The following AGXT2 variants were observed in gnomAD, a reference collection of about 807,000 sequenced individuals.
The protein encoded by AGXT2 is alanine--glyoxylate aminotransferase 2, also known as alanine--glyoxylate aminotransferase 2, mitochondrial.
AGXT2 carries 61 observed loss-of-function variants against 62.5 expected under a neutral mutation model. The ratio of observed to expected loss-of-function variants is 0.98; its 90% CI spans 0.79 to 1.21. The LOEUF (loss-of-function observed/expected upper bound fraction) is 1.21. Among genes scored for constraint, AGXT2 ranks in the 50% most tolerant of loss-of-function variants. The pLI is 0.00. For missense variants in AGXT2, 666 were observed against 641.5 expected, an observed-to-expected ratio of 1.04 and a Z score of -0.41; for synonymous variants, 243 against 218.7, an observed-to-expected ratio of 1.11 and a Z score of -0.98.
chr5:35,025,513 A>G (rs1767300868), intron 9 of AGXT2, among the ~76,000 whole-genome samples: 2 of 152,250 alleles, frequency 1.3e-5, no homozygotes, highest in Admixed American at 1.3e-4. Flanking sequence ...AACATCACAT[A>G]TGGCTGTTAG....
intron 9 of AGXT2, among the ~76,000 whole-genome samples, chr5:35,021,542 C>A (rs1260492379): frequency 1.1e-4 from 16 of 150,170 alleles, no homozygotes; most frequent in Admixed American, 4.7e-4. Context: ...GAAACTGGAT[C>A]CCTTCCTTAC....
At chr5:35,033,903 G>A (rs344159) in intron 5 of AGXT2, among the ~76,000 whole-genome samples, 142,507 of 152,140 alleles carry the variant, frequency 0.94, 67,227 homozygotes, top group Non-Finnish European at 1. Context: ...CGAAGTAGTC[G>A]CTTTGGGAAG....
chr5:35,023,443 G>A (rs1767196754), intron 9 of AGXT2, among the ~76,000 whole-genome samples: 1 of 152,152 alleles, frequency 6.6e-6, no homozygotes, highest in African/African-American at 2.4e-5. Context: ...GATTGCCTGT[G>A]TTAGATAGTT....
At position 35,037,216 on chromosome 5, in the gene AGXT2, T is replaced by C. The variant is rs577422127; in HGVS notation, c.363-151A>G. Reference sequence around the variant, plus strand: ...CATGAGAATAAACTCCTTTAACCACTAGAGGTGTCCAGAAATGGGATGTGT... The same window carrying C: ...CATGAGAATAAACTCCTTTAACCACCAGAGGTGTCCAGAAATGGGATGTGT... On this transcript the variant is annotated intron_variant, in intron 3 of 13. Coordinates refer to ENST00000231420, the MANE Select transcript of AGXT2 (RefSeq NM_031900.4). 16 of 1,158,340 alleles carry C rather than the reference T, an allele frequency of 1.4e-5. No homozygotes were observed. In the Admixed American group the frequency reaches 3.0e-4, roughly 22 times the overall value. 71.8% of individuals were successfully genotyped at this position (1,158,340 alleles called of 1,614,324 possible).
intron 9 of AGXT2, among the ~76,000 whole-genome samples, chr5:35,024,894 TG>T (rs1166662829): frequency 6.6e-6 from 1 of 150,546 alleles, no homozygotes; most frequent in Non-Finnish European, 1.5e-5. Flanking sequence ...CACTTGAACC[TG>T]GGAGGCAGAG....
At chr5:35,021,288 A>G (rs1431293347) in intron 9 of AGXT2, among the ~76,000 whole-genome samples, 1 of 152,156 alleles carries the variant, frequency 6.6e-6, no homozygotes, top group African/African-American at 2.4e-5. Flanking sequence ...CAAAAGAACA[A>G]AGCTGGAGGC....
At chr5:35,034,896 T>C (rs1767705363) in intron 5 of AGXT2, among the ~76,000 whole-genome samples, 1 of 152,138 alleles carries the variant, frequency 6.6e-6, no homozygotes, top group Non-Finnish European at 1.5e-5. Flanking sequence ...CATTTACCAC[T>C]TGGTATATGG....
rs762083883 is a variant in AGXT2, at chr5:35,003,793, G to C, written c.1407C>G (p.Leu469=). ...QIHEDCKHMG[L]LVGRGSIFSQ... ...AAAAAATGCTGCCTCTGCCAACGAG[G>C]AGTCCCATGTGCTTGCAGTCCTCAT... The change falls in exon 13 of 14, where the codon CTC becomes CTG. Residue 469 remains leucine, a synonymous_variant. Coordinates refer to ENST00000231420, the MANE Select transcript of AGXT2 (RefSeq NM_031900.4). 6.2e-7 allele frequency: 1 copy of C among 1,614,196 alleles called. No individual in the cohort carries two copies. Among genetic ancestry groups the C allele is most frequent in the South Asian group, 1.1e-5 (1 of 91,084 alleles).
chr5:35,039,907 C>T (rs1284082800), intron 2 of AGXT2, among the ~76,000 whole-genome samples: 8 of 152,132 alleles, frequency 5.3e-5, no homozygotes, highest in African/African-American at 1.9e-4. Context: ...AAGTGCTAGT[C>T]GTGTTTGTAT....
intron 3 of AGXT2, 71 bp from the exon 4 acceptor site, chr5:35,037,136 G>A (rs1767807732): frequency 6.2e-7 from 1 of 1,606,058 alleles, no homozygotes; most frequent in Non-Finnish European, 8.5e-7. Context: ...CTGGTCATTG[G>A]ACCCAAATAT....
chr5:35,019,291 ACACCT>A (rs1398912990), intron 9 of AGXT2, among the ~76,000 whole-genome samples: 1 of 148,832 alleles, frequency 6.7e-6, no homozygotes, highest in Non-Finnish European at 1.5e-5. Flanking sequence ...GCACCACACC[ACACCT>A]ATTCAAAAAT....
chr5:35,021,260 G>A (rs550344659), intron 9 of AGXT2, among the ~76,000 whole-genome samples: 17 of 152,224 alleles, frequency 1.1e-4, no homozygotes, highest in East Asian at 3.9e-4. Context: ...AGCCCGCTTC[G>A]CCAAGTGAAT....
Position 34,998,505 on chromosome 5 carries a change from T to A in AGXT2, c.*214A>T. 1 of 607,646 alleles carries A rather than the reference T, an allele frequency of 1.6e-6. No individual in the cohort carries two copies. The highest frequency in any genetic ancestry group is 2.9e-6 in the Non-Finnish European group (1 of 343,504). 37.6% of individuals were successfully genotyped at this position (607,646 alleles called of 1,614,324 possible). On this transcript the variant is annotated 3_prime_UTR_variant, in exon 14 of 14. Coordinates refer to ENST00000231420, the MANE Select transcript of AGXT2 (RefSeq NM_031900.4). ...ACTAATTAGGATTTATTCTCTGAGC[T>A]AGGGAGATCCTTTCCCTGAAGAATG...
In AGXT2 at chr5:35,025,787, C is replaced by T. The variant is rs1767315731; in HGVS notation, c.939G>A (p.Arg313=). 1 of 1,614,106 alleles carries T rather than the reference C, an allele frequency of 6.2e-7. No homozygotes were observed. Among genetic ancestry groups the T allele is most frequent in the South Asian group, 1.1e-5 (1 of 91,080 alleles). The part of the protein sequence containing the change: ...LKEAFELVRA[R]GGVCIADEVQ... ...CTTCATCTGCAATGCACACGCCTCC[C>T]CTTGCTCGCACCAGCTCAAAGGCTT... Residue 313 remains arginine (R), a synonymous_variant, in exon 9 of 14, where the codon AGG becomes AGA. Coordinates refer to ENST00000231420, the MANE Select transcript of AGXT2 (RefSeq NM_031900.4).
At chr5:35,012,013 A>G (rs55895806) in intron 11 of AGXT2, among the ~76,000 whole-genome samples, 25,745 of 151,784 alleles carry the variant, frequency 0.17, 2,645 homozygotes, top group East Asian at 0.43. Flanking sequence ...ACAGCAACTA[A>G]TAAGTGTTCT....
At chr5:35,002,147 G>A (rs1033537709) in intron 13 of AGXT2, among the ~76,000 whole-genome samples, 3 of 152,052 alleles carry the variant, frequency 2.0e-5, no homozygotes, top group Non-Finnish European at 4.4e-5. Context: ...CATGTCTTAC[G>A]ATTCATAATC....
At chr5:35,018,135 T>G (rs1766923337) in intron 9 of AGXT2, among the ~76,000 whole-genome samples, 1 of 152,122 alleles carries the variant, frequency 6.6e-6, no homozygotes, top group Non-Finnish European at 1.5e-5. Flanking sequence ...TGGAACCAAG[T>G]TGGAGAACAC....
intron 1 of AGXT2, among the ~76,000 whole-genome samples, chr5:35,041,066 T>C (rs575144458): frequency 6.6e-6 from 1 of 151,926 alleles, no homozygotes; most frequent in Non-Finnish European, 1.5e-5. Context: ...TGAATTCTAG[T>C]GTGTAGCCAG....
chr5:35,046,823 G>A (rs889727514), intron 1 of AGXT2, among the ~76,000 whole-genome samples: 8 of 152,170 alleles, frequency 5.3e-5, no homozygotes, highest in Non-Finnish European at 8.8e-5. Context: ...GCACATAAAT[G>A]TACAGACAGT....
Sources: gnomAD v4.1 joint callset for allele counts (sites outside exome capture counted in the v4.1 genomes callset) on GRCh38, gnomAD v4.1.1 for gene constraint, MANE v1.5 for transcripts, NCBI Gene and HGNC (gene_info 2026-07-23, HGNC 2026-07-21) for gene names.